The following CASR variants were observed in gnomAD, a reference collection of about 807,000 sequenced individuals.
CASR encodes extracellular calcium-sensing receptor.
A neutral mutation model predicts 69.1 loss-of-function variants in CASR; 23 were observed. The observed-to-expected ratio is 0.33, with a 90% CI of 0.24 to 0.47. The LOEUF is 0.47. CASR is among the 20% of genes least tolerant of loss of function. The probability of loss-of-function intolerance (pLI) is 1.00; values close to 1 mark genes in which losing one functional copy is unlikely to be tolerated. For missense variants in CASR, 924 were observed against 1,356.1 expected (o/e 0.68, Z 5.00); for synonymous variants, 541 against 544.7 (o/e 0.99, Z 0.10).
At chr3:122,185,084 GA>G (rs374409513) in intron 1 of CASR, among the ~76,000 whole-genome samples, 417 of 147,090 alleles carry the variant, frequency 2.8e-3, no homozygotes, top group African/African-American at 9.6e-3. Flanking sequence ...TTCCTGGGGA[GA>G]AAAAAAAAAG....
intron 3 of CASR, 102 bp downstream of exon 3, chr3:122,257,489 C>A: frequency 1.2e-6 from 1 of 826,290 alleles, no homozygotes; most frequent in African/African-American, 1.7e-5. Flanking sequence ...ATTCCCATCT[C>A]TGGCACAAAA....
rs753011255 is a variant in CASR, at chr3:122,261,995, C to T, written c.960C>T (p.Phe320=). 5 of 1,614,102 alleles carry T rather than the reference C, an allele frequency of 3.1e-6. No homozygotes were observed. The Admixed American group carries it at 5.0e-5, about 16-fold the overall frequency. ...ACGTGGTTGGCGGCACCATTGGATT[C>T]GCTCTGAAGGCTGGGCAGATCCCAG... ...YFHVVGGTIG[F]ALKAGQIPGF... Residue 320 remains phenylalanine, a synonymous_variant, in exon 4 of 7, where the codon TTC becomes TTT. Transcript: ENST00000639785.
intron 1 of CASR, among the ~76,000 whole-genome samples, chr3:122,240,956 A>G (rs928565463): frequency 6.6e-6 from 1 of 152,176 alleles, no homozygotes; most frequent in Admixed American, 6.5e-5. Context: ...AAAAATTAAG[A>G]AGGAAATTTA....
chr3:122,263,809 G>A (rs2074655687), intron 4 of CASR, among the ~76,000 whole-genome samples: 1 of 152,168 alleles, frequency 6.6e-6, no homozygotes, highest in Non-Finnish European at 1.5e-5. Flanking sequence ...AGATAGAGGT[G>A]CTGTAATAAA....
chr3:122,201,129 C>T lies in CASR; in HGVS notation c.-243+17317C>T, dbSNP rs977562440. 2.0e-5 allele frequency among the ~76,000 whole-genome samples: 3 copies of T among 151,856 alleles called. No individual in the cohort carries two copies. In the East Asian group the frequency reaches 5.8e-4, roughly 29 times the overall value. On this transcript the variant is annotated intron_variant, in intron 1 of 6. Transcript: ENST00000639785. ...AGTGAACAAAGGTCCCTGGTTTTCC[C>T]AGGCAGAGGACCCTGCGGCCTTCCG...
At chr3:122,250,836 CT>C (rs1419344461) in intron 1 of CASR, among the ~76,000 whole-genome samples, 15 of 150,780 alleles carry the variant, frequency 9.9e-5, no homozygotes, top group African/African-American at 2.4e-4. Context: ...GAAAAAGTTA[CT>C]TTTTTTTTTC....
At chr3:122,252,445 GAAAAAAAAGA>G (rs1245228745) in intron 1 of CASR, among the ~76,000 whole-genome samples, 47 of 67,782 alleles carry the variant, frequency 6.9e-4, no homozygotes, top group East Asian at 1.3e-3. Context: ...AAGAAAGAAA[GAAAAAAAAGA>G]AAAGAAAGAA....
At chr3:122,268,707 A>C (rs2074721795) in intron 4 of CASR, among the ~76,000 whole-genome samples, 1 of 152,226 alleles carries the variant, frequency 6.6e-6, no homozygotes, top group Admixed American at 6.5e-5. Context: ...TCCCTCAATA[A>C]ATACTTGTTG....
intron 1 of CASR, among the ~76,000 whole-genome samples, chr3:122,250,237 C>T (rs1461424966): frequency 6.6e-6 from 1 of 151,904 alleles, no homozygotes; most frequent in East Asian, 1.9e-4. Context: ...TAGAATGACC[C>T]TCAGCTTTGG....
chr3:122,220,779 G>C (rs758461286), intron 1 of CASR, among the ~76,000 whole-genome samples: 37 of 152,218 alleles, frequency 2.4e-4, no homozygotes, highest in Middle Eastern at 3.4e-3. Context: ...TTTGAAACCA[G>C]CCTGGCCAAC....
At chr3:122,222,761 A>G (rs987857152) in intron 1 of CASR, among the ~76,000 whole-genome samples, 3 of 152,112 alleles carry the variant, frequency 2.0e-5, no homozygotes, top group Non-Finnish European at 1.5e-5. Flanking sequence ...ACAACAGAAT[A>G]TACATTCTTC....
At chr3:122,215,962 G>A (rs141126310) in intron 1 of CASR, among the ~76,000 whole-genome samples, 151 of 152,340 alleles carry the variant, frequency 9.9e-4, no homozygotes, top group South Asian at 5.2e-3. Context: ...GTGGACCTCA[G>A]TTAGGTCCTT....
chr3:122,184,079 C>T (rs1289327754), intron 1 of CASR, among the ~76,000 whole-genome samples: 4 of 152,118 alleles, frequency 2.6e-5, no homozygotes, highest in African/African-American at 9.7e-5. Flanking sequence ...CCCGAGCCGG[C>T]CTGTGGCCCT....
intron 1 of CASR, among the ~76,000 whole-genome samples, chr3:122,224,831 T>C (rs1455656819): frequency 1.3e-5 from 2 of 152,082 alleles, no homozygotes; most frequent in African/African-American, 4.8e-5. Flanking sequence ...ATTGTGCTGG[T>C]ACAAAAACAG....
chr3:122,236,291 A>C (rs1178076663), intron 1 of CASR, among the ~76,000 whole-genome samples: 1 of 152,234 alleles, frequency 6.6e-6, no homozygotes, highest in Non-Finnish European at 1.5e-5. Flanking sequence ...TGTCCTTAGC[A>C]ATGGAGAATC....
At chr3:122,259,024 G>T (rs536697252) in intron 3 of CASR, among the ~76,000 whole-genome samples, 1 of 152,002 alleles carries the variant, frequency 6.6e-6, no homozygotes, top group African/African-American at 2.4e-5. Flanking sequence ...GACAAATTGC[G>T]GTTGGAACAG....
chr3:122,235,906 T>C (rs1576839584), intron 1 of CASR, among the ~76,000 whole-genome samples: 1 of 152,306 alleles, frequency 6.6e-6, no homozygotes, highest in East Asian at 1.9e-4. Context: ...TGAAAGACGG[T>C]CTAGCAATGG....
intron 1 of CASR, among the ~76,000 whole-genome samples, chr3:122,216,305 C>G (rs1268995192): frequency 6.6e-6 from 1 of 152,148 alleles, no homozygotes; most frequent in African/African-American, 2.4e-5. Context: ...GTCCATTTTA[C>G]CTGACTTTTC....
At chr3:122,226,157 G>A (rs573619475) in intron 1 of CASR, among the ~76,000 whole-genome samples, 2 of 152,264 alleles carry the variant, frequency 1.3e-5, no homozygotes, top group South Asian at 2.1e-4. Context: ...GGACCCTCAC[G>A]GTGAGTGTTA....
Sources: allele counts gnomAD v4.1 joint callset (sites outside exome capture counted in the v4.1 genomes callset), GRCh38; gene constraint gnomAD v4.1.1; transcripts MANE v1.5; gene names NCBI Gene and HGNC (gene_info 2026-07-23, HGNC 2026-07-21).